Variants in DRAM2 observed in about 807,000 individuals in gnomAD.
The protein encoded by DRAM2 is DNA damage regulated autophagy modulator 2.
DRAM2 carries 26 observed loss-of-function variants against 33.5 expected under a neutral mutation model. The ratio of observed to expected loss-of-function variants is 0.78; its 90% CI spans 0.57 to 1.08. The LOEUF (loss-of-function observed/expected upper bound fraction) is 1.08. Ranked by LOEUF, DRAM2 falls within the 50% of genes least tolerant of loss-of-function variation. The pLI is 0.00. For synonymous variants in DRAM2, 98 were observed against 109.5 expected (o/e 0.89, Z 0.66); for missense variants, 311 against 318.1 (o/e 0.98, Z 0.17).
At position 111,124,952 on chromosome 1, in the gene DRAM2, C is replaced by T; in HGVS notation, c.200-71G>A. The stretch of plus-strand genomic sequence containing the variant: ...GAAATAAAGTTGCCAATGAAGAGTT[C>T]ACAAAGGTCACTGCTATCCAGAATC... On this transcript the variant is annotated intron_variant, in intron 5 of 9. Transcript: ENST00000484310. 2.3e-6 allele frequency: 3 copies of T among 1,308,970 alleles called. No individual in the cohort carries two copies. The African/African-American group carries it at 4.5e-5, about 20-fold the overall frequency. 81.1% of individuals were successfully genotyped at this position (1,308,970 alleles called of 1,614,324 possible).
chr1:111,137,148 G>T (rs1202261117), intron 3 of DRAM2, among the ~76,000 whole-genome samples: 2 of 151,374 alleles, frequency 1.3e-5, no homozygotes, highest in Non-Finnish European at 2.9e-5. Context: ...AGCTACTCGG[G>T]ACGCTGAGGC....
chr1:111,130,568 T>C (rs540985562), intron 4 of DRAM2, among the ~76,000 whole-genome samples: 68 of 149,230 alleles, frequency 4.6e-4, no homozygotes, highest in African/African-American at 1.6e-3. Context: ...GGCGTGGTGG[T>C]GTGCGCCTGT....
Position 111,117,921 on chromosome 1 carries a change from CTT to C in DRAM2, c.*237_*238del. 2.0e-6 allele frequency: 1 copy of C among 506,888 alleles called. No individual in the cohort carries two copies. Among genetic ancestry groups the C allele is most frequent in the South Asian group, 2.3e-5 (1 of 43,266 alleles). 31.4% of individuals were successfully genotyped at this position (506,888 alleles called of 1,614,324 possible). The stretch of plus-strand genomic sequence containing the variant: ...AAACTATGATATCATAGTCTTTTGA[CTT>C]TATTTTCTGAGATAAAAAAGTATAG... On this transcript the variant is annotated 3_prime_UTR_variant, in exon 10 of 10. Transcript: ENST00000484310.
rs536680218 is a variant in DRAM2 at position 111,132,296 on chromosome 1, C to T, written c.-14-728G>A. Reference sequence around the variant, plus strand: ...ATACCCAGAGAGGGCACAGAAGCTCCGTGCCCCTTTCCATATCCCTTGCCT... The same window carrying T: ...ATACCCAGAGAGGGCACAGAAGCTCTGTGCCCCTTTCCATATCCCTTGCCT... On this transcript the variant is annotated intron_variant, in intron 3 of 9. Transcript: ENST00000484310. Among the ~76,000 whole-genome samples, 23 of 152,336 alleles carry T rather than the reference C, an allele frequency of 1.5e-4. No individual in the cohort carries two copies. The East Asian group carries it at 1.7e-3, about 11-fold the overall frequency.
chr1:111,119,733 C>G, intron 8 of DRAM2, 144 bp downstream of exon 8: 2 of 671,578 alleles, frequency 3.0e-6, no homozygotes, highest in Non-Finnish European at 5.0e-6. Flanking sequence ...TAAACCCTAC[C>G]ATATCAAGAA....
rs891505780 is a variant in DRAM2 at position 111,118,785 on chromosome 1, C to T, written c.693+20G>A. Reference sequence around the variant, plus strand: ...GAGAAGGAAGTCTGACTGAATAAATCTAATATTGTGCCTTCTTACCTGAAA... The same window carrying T: ...GAGAAGGAAGTCTGACTGAATAAATTTAATATTGTGCCTTCTTACCTGAAA... On this transcript the variant is annotated intron_variant, in intron 9 of 9. Transcript: ENST00000484310. 2.5e-6 allele frequency: 4 copies of T among 1,576,824 alleles called. No individual in the cohort carries two copies. The South Asian group carries it at 3.4e-5, about 13-fold the overall frequency.
chr1:111,123,076 GAGAC>G (rs1650334996), intron 6 of DRAM2, among the ~76,000 whole-genome samples: 1 of 152,122 alleles, frequency 6.6e-6, no homozygotes, highest in Non-Finnish European at 1.5e-5. Context: ...AATTGACCAA[GAGAC>G]AGACAATCAC....
intron 4 of DRAM2, among the ~76,000 whole-genome samples, chr1:111,130,566 GGTGT>G (rs1651855593): frequency 6.6e-6 from 1 of 151,098 alleles, no homozygotes; most frequent in South Asian, 2.1e-4. Flanking sequence ...TAGGCGTGGT[GGTGT>G]GCGCCTGTAA....
In DRAM2 at chr1:111,120,616, C is replaced by A. The variant is rs1190477515; in HGVS notation, c.417G>T (p.Gln139His). Reference sequence around the variant, plus strand: ...GCTGCATTTGGTAGGAAAGGATGGTCTGAACAAACATATATAATGAGCCCA... The same window carrying A: ...GCTGCATTTGGTAGGAAAGGATGGTATGAACAAACATATATAATGAGCCCA... ...FGMGSLYMFV[Q>H]TILSYQMQPK... The change falls in exon 7 of 10, where the codon CAG becomes CAT. Residue 139 changes from glutamine (Q) to histidine (H), a missense_variant. Physicochemically the swap from Gln to His is conservative, Grantham distance 24 (BLOSUM62 0). Coordinates refer to ENST00000484310, the MANE Select transcript of DRAM2 (RefSeq NM_001349884.2). 1.6e-5 allele frequency: 25 copies of A among 1,611,860 alleles called. No individual in the cohort carries two copies. The highest frequency in any genetic ancestry group is 2.0e-5 in the Non-Finnish European group (24 of 1,178,726).
chr1:111,118,379 G>A (rs1649340899), intron 9 of DRAM2, 112 bp from the exon 10 acceptor site: 1 of 687,668 alleles, frequency 1.5e-6, no homozygotes, highest in South Asian at 2.0e-5. Flanking sequence ...AATTCTAATG[G>A]TAGTGAGACA....
At chr1:111,119,185 C>T (rs1649496451) in intron 8 of DRAM2, among the ~76,000 whole-genome samples, 1 of 151,938 alleles carries the variant, frequency 6.6e-6, no homozygotes, top group African/African-American at 2.4e-5. Context: ...TATTGCCTTA[C>T]CCAAAGCCAT....
intron 6 of DRAM2, among the ~76,000 whole-genome samples, chr1:111,122,433 G>A (rs1650230610): frequency 6.6e-6 from 1 of 152,072 alleles, no homozygotes; most frequent in Admixed American, 6.6e-5. Context: ...AAATATTCAA[G>A]AAGTAAAACC....
At chr1:111,131,999 T>C (rs1186608448) in intron 3 of DRAM2, among the ~76,000 whole-genome samples, 3 of 152,226 alleles carry the variant, frequency 2.0e-5, no homozygotes, top group African/African-American at 4.8e-5. Flanking sequence ...CTTAAAACGC[T>C]TGGAATCTCC....
rs771642691 is a variant in DRAM2, at chr1:111,118,766, G to A, written c.693+39C>T. 29 of 1,496,900 alleles carry A rather than the reference G, an allele frequency of 1.9e-5. No individual in the cohort carries two copies. The East Asian group carries it at 5.4e-4, about 28-fold the overall frequency. 92.7% of individuals were successfully genotyped at this position (1,496,900 alleles called of 1,614,324 possible). A position where few individuals can be genotyped will look rare whatever the true frequency, so the allele number is the denominator to read the frequency against. ...GTCTACCTTCCTGGACTAAGAGAAG[G>A]AAGTCTGACTGAATAAATCTAATAT... On this transcript the variant is annotated intron_variant, in intron 9 of 9. Coordinates refer to ENST00000484310, the MANE Select transcript of DRAM2 (RefSeq NM_001349884.2).
chr1:111,139,468 C>T (rs1654049647), intron 2 of DRAM2, 33 bp downstream of exon 2: 1 of 152,294 alleles, frequency 6.6e-6, no homozygotes. Flanking sequence ...CTCGCTCCCT[C>T]CAGCCACCAA....
intron 3 of DRAM2, among the ~76,000 whole-genome samples, chr1:111,131,930 C>T (rs1024136619): frequency 6.6e-6 from 1 of 152,184 alleles, no homozygotes; most frequent in Non-Finnish European, 1.5e-5. Context: ...TAAGGGGTAC[C>T]TGTGATATTG....
At chr1:111,133,754 G>C (rs1557900880) in intron 3 of DRAM2, among the ~76,000 whole-genome samples, 1 of 152,194 alleles carries the variant, frequency 6.6e-6, no homozygotes, top group Non-Finnish European at 1.5e-5. Context: ...ATGCCACAGT[G>C]CCAGAGCATA....
Position 111,135,447 on chromosome 1 carries a change from T to C in DRAM2, c.-15+2076A>G, listed in dbSNP as rs568688564. 1.3e-5 allele frequency among the ~76,000 whole-genome samples: 2 copies of C among 152,330 alleles called. 1 individual carries two copies. Among genetic ancestry groups the C allele is most frequent in the African/African-American group, 4.8e-5 (2 of 41,586 alleles). On this transcript the variant is annotated intron_variant, in intron 3 of 9. Transcript: ENST00000484310. ...TACTCTAGTTTCAGCTTTTTTATTGTTGTTGTTTAACTTTTTAGCCCTGGA... is the reference window on the plus strand; with the variant it reads ...TACTCTAGTTTCAGCTTTTTTATTGCTGTTGTTTAACTTTTTAGCCCTGGA...
At position 111,131,558 on chromosome 1, in the gene DRAM2, T is replaced by C. The variant is rs1428431793; in HGVS notation, c.-4A>G. On this transcript the variant is annotated 5_prime_UTR_variant, in exon 4 of 10. Coordinates refer to ENST00000484310, the MANE Select transcript of DRAM2 (RefSeq NM_001349884.2). ...GGCCTTGCTGAAACCACCACATTTC[T>C]AACAGGTTTTCTGAAATAGAGAAAA... The C allele has an allele frequency of 9.3e-6, 15 of 1,613,128 alleles. No homozygotes were observed. Among genetic ancestry groups the C allele is most frequent in the Non-Finnish European group, 1.3e-5 (15 of 1,179,810 alleles).
Sources: gnomAD v4.1 joint callset for allele counts (sites outside exome capture counted in the v4.1 genomes callset) on GRCh38, gnomAD v4.1.1 for gene constraint, MANE v1.5 for transcripts, NCBI Gene and HGNC (gene_info 2026-07-23, HGNC 2026-07-21) for gene names.